The following MAF variants were observed in gnomAD, a reference collection of about 807,000 sequenced individuals.
MAF encodes the protein MAF bZIP transcription factor, also known as transcription factor Maf.
A neutral mutation model predicts 22.0 loss-of-function variants in MAF; 10 were observed. That is an observed-to-expected ratio of 0.45 (90% CI 0.28 to 0.77). The LOEUF is 0.77. MAF is among the 30% of genes least tolerant of loss of function. The pLI is 0.12. For synonymous variants in MAF, 337 were observed against 255.8 expected (o/e 1.32, Z -3.03); for missense variants, 544 against 548.4 (o/e 0.99, Z 0.08).
the MAF span, among the ~76,000 whole-genome samples, chr16:79,573,757 C>T: frequency 6.6e-6 from 1 of 152,136 alleles, no homozygotes; most frequent in Admixed American, 6.5e-5. Context: ...AGTAATAGCA[C>T]TAGTGCAGAC....
At chr16:79,223,419 T>TA in the MAF span, among the ~76,000 whole-genome samples, 1 of 152,138 alleles carries the variant, frequency 6.6e-6, no homozygotes, top group South Asian at 2.1e-4. Context: ...AGGAAAGATC[T>TA]AAAATCGACA....
At chr16:79,566,326 G>A in the MAF span, among the ~76,000 whole-genome samples, 3 of 152,184 alleles carry the variant, frequency 2.0e-5, no homozygotes, top group Admixed American at 6.5e-5. Flanking sequence ...TCTTACAAAA[G>A]GCTGTAAGAG....
chr16:79,250,819 G>C, the MAF span, among the ~76,000 whole-genome samples: 1 of 152,144 alleles, frequency 6.6e-6, no homozygotes, highest in East Asian at 1.9e-4. Context: ...TTACTAGGGG[G>C]ATCAACCATC....
At chr16:79,341,928 A>G in the MAF span, among the ~76,000 whole-genome samples, 1 of 152,232 alleles carries the variant, frequency 6.6e-6, no homozygotes, top group Non-Finnish European at 1.5e-5. Flanking sequence ...CTTAGCAGCC[A>G]GATGGAAAGT....
chr16:79,510,331 C>T, the MAF span, among the ~76,000 whole-genome samples: 3 of 152,158 alleles, frequency 2.0e-5, no homozygotes, highest in South Asian at 2.1e-4. Context: ...GACTGTTTCT[C>T]GAGAATCCTC....
chr16:79,526,452 G>T, the MAF span, among the ~76,000 whole-genome samples: 1 of 152,166 alleles, frequency 6.6e-6, no homozygotes, highest in Non-Finnish European at 1.5e-5. Context: ...AAGCTTTGCT[G>T]CTGCTTACTT....
At chr16:79,555,766 C>T in the MAF span, among the ~76,000 whole-genome samples, 4 of 152,308 alleles carry the variant, frequency 2.6e-5, no homozygotes, top group Admixed American at 2.6e-4. Context: ...CAAGACACTT[C>T]TGATCTCAAG....
At chr16:79,397,160 C>G in the MAF span, among the ~76,000 whole-genome samples, 9 of 152,204 alleles carry the variant, frequency 5.9e-5, no homozygotes, top group South Asian at 4.1e-4. Flanking sequence ...TTAAATACAA[C>G]CTACTGTTTG....
chr16:79,208,793 T>C, the MAF span, among the ~76,000 whole-genome samples: 2 of 152,164 alleles, frequency 1.3e-5, no homozygotes, highest in African/African-American at 2.4e-5. Context: ...TGTCATCACA[T>C]CTGATCATAT....
At chr16:79,534,594 G>C in the MAF span, among the ~76,000 whole-genome samples, 2 of 152,100 alleles carry the variant, frequency 1.3e-5, no homozygotes, top group South Asian at 2.1e-4. Flanking sequence ...TCATGGGATG[G>C]GGGGAGGGAG....
At chr16:79,509,141 G>A in the MAF span, among the ~76,000 whole-genome samples, 543 of 152,330 alleles carry the variant, frequency 3.6e-3, 6 homozygotes, top group African/African-American at 0.013. Context: ...TTGCACTGCT[G>A]AAGTTACTTG....
the MAF span, among the ~76,000 whole-genome samples, chr16:79,272,974 A>G: frequency 6.6e-6 from 1 of 152,184 alleles, no homozygotes; most frequent in Admixed American, 6.5e-5. Flanking sequence ...GTAATCCAAA[A>G]TGTGTCTAAA....
chr16:79,364,869 G>C, the MAF span, among the ~76,000 whole-genome samples: 2 of 152,204 alleles, frequency 1.3e-5, no homozygotes, highest in Non-Finnish European at 1.5e-5. Context: ...CTTGCTAAAA[G>C]ATAAACTTAG....
the MAF span, among the ~76,000 whole-genome samples, chr16:79,295,802 A>G: frequency 2.0e-5 from 3 of 152,272 alleles, no homozygotes; most frequent in African/African-American, 7.2e-5. Context: ...CCCTATTTTA[A>G]TTCTCCCAGT....
chr16:79,266,585 A>C, the MAF span, among the ~76,000 whole-genome samples: 1 of 152,220 alleles, frequency 6.6e-6, no homozygotes, highest in African/African-American at 2.4e-5. Context: ...CATGATATCA[A>C]GATCTTTCCT....
At chr16:79,390,341 A>G in the MAF span, among the ~76,000 whole-genome samples, 1 of 152,104 alleles carries the variant, frequency 6.6e-6, no homozygotes, top group African/African-American at 2.4e-5. Flanking sequence ...GAGATAAGTG[A>G]TATGGTCAAA....
the MAF span, among the ~76,000 whole-genome samples, chr16:79,325,531 G>T: frequency 6.6e-6 from 1 of 151,818 alleles, no homozygotes; most frequent in East Asian, 1.9e-4. Context: ...GGCTGTCTCA[G>T]GAGCCCTGGC....
At chr16:79,265,733 T>G in the MAF span, among the ~76,000 whole-genome samples, 5 of 152,236 alleles carry the variant, frequency 3.3e-5, no homozygotes, top group African/African-American at 1.2e-4. Context: ...TTCCTATCCT[T>G]AAGTCCAGAA....
At chr16:79,491,640 C>T in the MAF span, among the ~76,000 whole-genome samples, 753 of 152,212 alleles carry the variant, frequency 4.9e-3, 9 homozygotes, top group Non-Finnish European at 3.1e-3. Context: ...GAATGCCCAG[C>T]GACTAACATG....
Sources: allele counts gnomAD v4.1 joint callset (sites outside exome capture counted in the v4.1 genomes callset), GRCh38; gene constraint gnomAD v4.1.1; transcripts MANE v1.5; gene names NCBI Gene and HGNC (gene_info 2026-07-23, HGNC 2026-07-21).